RAD9B: variants seen among roughly 807,000 people sequenced by gnomAD.
The protein encoded by RAD9B is RAD9 checkpoint clamp component B.
In RAD9B, 41 loss-of-function variants were observed where a neutral mutation model predicts 48.3. The observed-to-expected ratio is 0.85, with a 90% CI of 0.66 to 1.10. The LOEUF (loss-of-function observed/expected upper bound fraction) is 1.10. Among genes scored for constraint, RAD9B ranks in the 50% least tolerant of loss-of-function variants. The pLI is 0.00. For synonymous variants in RAD9B, 160 were observed against 157.9 expected (o/e 1.01, Z -0.10); for missense variants, 444 against 485.1 (o/e 0.92, Z 0.80).
chr12:110,510,524 T>A (rs1008789912), intron 4 of RAD9B, among the ~76,000 whole-genome samples: 4 of 152,036 alleles, frequency 2.6e-5, no homozygotes, highest in African/African-American at 9.7e-5. Flanking sequence ...TCCACCAGCA[T>A]GAGAACAAGC....
Position 110,520,012 on chromosome 12 carries a change from G to T in RAD9B, c.890+96G>T, listed in dbSNP as rs1057340031. ...TGCATTCACTTAGGAAACAATTGAGGAGTGAAATATTAGTTAACAAATTTT... is the reference window on the plus strand; with the variant it reads ...TGCATTCACTTAGGAAACAATTGAGTAGTGAAATATTAGTTAACAAATTTT... On this transcript the variant is annotated intron_variant, in intron 9 of 10. Coordinates refer to ENST00000409300, the MANE Select transcript of RAD9B (RefSeq NM_001286535.2). The T allele has an allele frequency of 1.9e-5, 26 of 1,363,712 alleles. No individual in the cohort carries two copies. In the African/African-American group the frequency reaches 3.5e-4, roughly 19 times the overall value. 84.5% of individuals were successfully genotyped at this position (1,363,712 alleles called of 1,614,324 possible).
intron 10 of RAD9B, among the ~76,000 whole-genome samples, chr12:110,528,698 G>GAT (rs1402446780): frequency 3.3e-5 from 5 of 152,218 alleles, no homozygotes; most frequent in African/African-American, 9.6e-5. Flanking sequence ...AAGTTTCTGT[G>GAT]ATATGGGGGT....
rs1296643376 is a variant in RAD9B at position 110,533,274 on chromosome 12, CTT to C, written c.*2623_*2624del. 1 of 152,148 alleles carries C rather than the reference CTT, an allele frequency of 6.6e-6. No individual in the cohort carries two copies. Among genetic ancestry groups the C allele is most frequent in the Non-Finnish European group, 1.5e-5 (1 of 68,032 alleles). 9.4% of individuals were successfully genotyped at this position (152,148 alleles called of 1,614,324 possible). On this transcript the variant is annotated 3_prime_UTR_variant, in exon 11 of 11. Transcript: ENST00000409300. Reference sequence around the variant, plus strand: ...TATAAATACTATATTTATTAAATATCTTTACAGTTTATTTAAATGTATTTACA... The same window carrying C: ...TATAAATACTATATTTATTAAATATCTACAGTTTATTTAAATGTATTTACA...
At chr12:110,527,163 G>GTA (rs925042432) in intron 10 of RAD9B, among the ~76,000 whole-genome samples, 5 of 152,176 alleles carry the variant, frequency 3.3e-5, no homozygotes, top group South Asian at 4.2e-4. Flanking sequence ...AGCTTCTAGA[G>GTA]ACCACTTCCA....
chr12:110,513,933 C>T (rs1487849216), intron 5 of RAD9B, among the ~76,000 whole-genome samples: 4 of 151,846 alleles, frequency 2.6e-5, no homozygotes. Context: ...CCATGTTGCT[C>T]AGGCTGATTG....
At chr12:110,509,717 C>T (rs1257410942) in intron 4 of RAD9B, among the ~76,000 whole-genome samples, 2 of 152,170 alleles carry the variant, frequency 1.3e-5, no homozygotes, top group African/African-American at 2.4e-5. Flanking sequence ...TCTCAGCTTG[C>T]ACATCCTCAG....
At chr12:110,516,803 CTCTG>C (rs1195484173) in intron 6 of RAD9B, among the ~76,000 whole-genome samples, 22 of 151,834 alleles carry the variant, frequency 1.4e-4, no homozygotes, top group Admixed American at 3.3e-4. Flanking sequence ...CAGAGCAAGA[CTCTG>C]TCTAAAATAA....
In RAD9B at chr12:110,519,817, A is replaced by G; in HGVS notation, c.791A>G (p.Asp264Gly). 1 of 1,612,670 alleles carries G rather than the reference A, an allele frequency of 6.2e-7. No homozygotes were observed. The highest frequency in any genetic ancestry group is 8.5e-7 in the Non-Finnish European group (1 of 1,179,538). Residue 264 changes from aspartate (D) to glycine (G), a missense_variant, in exon 9 of 11, where the codon GAT becomes GGT. By Grantham distance (94) the Asp-to-Gly change is moderately conservative. Transcript: ENST00000409300. ...AGACCTCTGGCTTTGAGTATTGATG[A>G]TATGTTAGTGGAAGCTAACTTTATT... ...PGKPLALSID[D>G]MLVEANFILA...
intron 10 of RAD9B, 65 bp from the exon 11 acceptor site, chr12:110,530,460 C>A (rs1410295019): frequency 2.0e-6 from 3 of 1,513,006 alleles, no homozygotes; most frequent in African/African-American, 2.8e-5. Flanking sequence ...GGGCTGTCAC[C>A]TGGAGCATTT....
At position 110,522,307 on chromosome 12, in the gene RAD9B, T is replaced by C. The variant is rs1593099325; in HGVS notation, c.1021T>C (p.Cys341Arg). The part of the protein sequence containing the change: ...TLTNISALEN[C>R]GSPAMKRVDG... ...CACAAACATATCTGCATTGGAAAAC[T>C]GTGGCAGCCCTGCAATGAAAAGAGT... is the stretch of plus-strand genomic sequence containing the variant. Residue 341 changes from cysteine (C) to arginine (R), a missense_variant, in exon 10 of 11, where the codon TGT becomes CGT. Physicochemically the swap from Cys to Arg is radical, Grantham distance 180. Transcript: ENST00000409300. 2 of 1,613,718 alleles carry C rather than the reference T, an allele frequency of 1.2e-6. No homozygotes were observed. Among genetic ancestry groups the C allele is most frequent in the African/African-American group, 1.3e-5 (1 of 75,036 alleles).
At position 110,512,861 on chromosome 12, in the gene RAD9B, G is replaced by A. The variant is rs768224302; in HGVS notation, c.471G>A (p.Thr157=). 3.3e-6 allele frequency: 5 copies of A among 1,537,446 alleles called. No individual in the cohort carries two copies. Among genetic ancestry groups the A allele is most frequent in the East Asian group, 2.3e-5 (1 of 44,222 alleles). The change falls in exon 5 of 11, where the codon ACG becomes ACA. Residue 157 remains threonine (T), a synonymous_variant. Transcript: ENST00000409300. ...TTGACAAGAATGTTTGTACTAATAC[G>A]CTAATGATTCAACCAAGGTAATGAG... is the stretch of plus-strand genomic sequence containing the variant. ...VIFDKNVCTN[T]LMIQPRLLAD... is the part of the protein sequence containing the mutation.
chr12:110,520,472 A>C (rs1451857079), intron 9 of RAD9B, among the ~76,000 whole-genome samples: 1 of 149,922 alleles, frequency 6.7e-6, no homozygotes, highest in Non-Finnish European at 1.5e-5. Flanking sequence ...TCAGCCTCCC[A>C]AAGTGCTGGG....
Position 110,532,857 on chromosome 12 carries a change from TGTAGTA to T in RAD9B, c.*2206_*2211del. 1.3e-5 allele frequency among the ~76,000 whole-genome samples: 2 copies of T among 152,276 alleles called. No individual in the cohort carries two copies. Among genetic ancestry groups the T allele is most frequent in the East Asian group, 3.9e-4 (2 of 5,192 alleles). ...ACAGGCTATTCATATAGCCCAGATG[TGTAGTA>T]GGCTAGACCATCTAGGCTTGTGTCA... On this transcript the variant is annotated 3_prime_UTR_variant, in exon 11 of 11. Coordinates refer to ENST00000409300, the MANE Select transcript of RAD9B (RefSeq NM_001286535.2).
intron 4 of RAD9B, chr12:110,511,717 A>G (rs930471197): frequency 2.6e-5 from 5 of 188,854 alleles, no homozygotes; most frequent in Non-Finnish European, 5.8e-5. Context: ...CGTAGCTAAA[A>G]GAGAGGACTT....
At position 110,531,882 on chromosome 12, in the gene RAD9B, A is replaced by C; in HGVS notation, c.*1229A>C. ...CATATTATTGTTACATCTTTCTGAA[A>C]CCTTCAAACCGTAAGGAAGTGTTAA... On this transcript the variant is annotated 3_prime_UTR_variant, in exon 11 of 11. Transcript: ENST00000409300. 1 of 436,756 alleles carries C rather than the reference A, an allele frequency of 2.3e-6. No homozygotes were observed. The highest frequency in any genetic ancestry group is 4.5e-5 in the East Asian group (1 of 22,366). 27.1% of individuals were successfully genotyped at this position (436,756 alleles called of 1,614,324 possible). A position where few individuals can be genotyped will look rare whatever the true frequency, so the allele number is the denominator to read the frequency against.
intron 2 of RAD9B, among the ~76,000 whole-genome samples, chr12:110,504,137 T>C (rs1439032917): frequency 6.6e-6 from 1 of 151,170 alleles, no homozygotes; most frequent in East Asian, 1.9e-4. Context: ...TGGCCTGCAC[T>C]GTTTTTTTTT....
At chr12:110,505,861 A>G (rs2063247989) in intron 3 of RAD9B, 89 bp downstream of exon 3, 2 of 1,003,858 alleles carry the variant, frequency 2.0e-6, no homozygotes, top group African/African-American at 1.7e-5. Context: ...AATAGTTTAA[A>G]TGGCATTCAG....
rs1244866893 is a variant in RAD9B, at chr12:110,515,058, C to A, written c.497C>A (p.Ala166Asp). The A allele has an allele frequency of 6.5e-7, 1 of 1,546,082 alleles. No homozygotes were observed. Among genetic ancestry groups the A allele is most frequent in the Non-Finnish European group, 8.8e-7 (1 of 1,141,304 alleles). Residue 166 changes from alanine to aspartate, a missense_variant, in exon 6 of 11, where the codon GCT becomes GAT. Ala to Asp is a moderately radical substitution (Grantham distance 126, BLOSUM62 -2). Transcript: ENST00000409300. Reference sequence around the variant, plus strand: ...TTCTTTACATTTTATAGATTGCTTGCTGATGCCATTGTTCTTTTTACATCA... The same window carrying A: ...TTCTTTACATTTTATAGATTGCTTGATGATGCCATTGTTCTTTTTACATCA... Reference protein sequence around the residue: ...NTLMIQPRLLADAIVLFTSSQ... With the variant: ...NTLMIQPRLLDDAIVLFTSSQ...
intron 10 of RAD9B, 102 bp from the exon 11 acceptor site, chr12:110,530,423 A>T (rs1245875675): frequency 2.0e-6 from 2 of 1,022,388 alleles, no homozygotes; most frequent in African/African-American, 3.2e-5. Context: ...AAAGACAGGG[A>T]TATAATACTG....
Sources: gnomAD v4.1 joint callset for allele counts (sites outside exome capture counted in the v4.1 genomes callset) on GRCh38, gnomAD v4.1.1 for gene constraint, MANE v1.5 for transcripts, NCBI Gene and HGNC (gene_info 2026-07-23, HGNC 2026-07-21) for gene names.